SYT16: variants seen among roughly 807,000 people sequenced by gnomAD.
SYT16 encodes synaptotagmin 16.
In SYT16, 42 loss-of-function variants were observed where a neutral mutation model predicts 61.4. The ratio of observed to expected loss-of-function variants is 0.68; its 90% CI spans 0.53 to 0.89. The LOEUF is 0.89. Ranked by LOEUF, SYT16 falls within the 40% of genes least tolerant of loss-of-function variation. SYT16 has a pLI of 0.00. For missense variants in SYT16, 804 were observed against 807.3 expected (o/e 1.00, Z 0.05); for synonymous variants, 314 against 302.3 (o/e 1.04, Z -0.40).
chr14:61,961,709 G>A (rs2140502697), intron 1 of SYT16, among the ~76,000 whole-genome samples: 1 of 152,274 alleles, frequency 6.6e-6, no homozygotes, highest in South Asian at 2.1e-4. Flanking sequence ...GCAGGTTAGT[G>A]ATTTCTGAAA....
chr14:61,826,205 TCA>T (rs911869522), intron 1 of SYT16, among the ~76,000 whole-genome samples: 10 of 151,962 alleles, frequency 6.6e-5, no homozygotes, highest in African/African-American at 2.4e-4. Context: ...CTCAGGGCAC[TCA>T]CACACAGCCA....
intron 5 of SYT16, among the ~76,000 whole-genome samples, chr14:62,078,292 G>T (rs2056585813): frequency 6.6e-6 from 1 of 151,950 alleles, no homozygotes; most frequent in African/African-American, 2.4e-5. Flanking sequence ...TTGAGTATTG[G>T]ATACGAGTTA....
chr14:61,990,498 A>G (rs1704341106), intron 2 of SYT16, among the ~76,000 whole-genome samples: 1 of 152,168 alleles, frequency 6.6e-6, no homozygotes. Flanking sequence ...ATGAACTTGT[A>G]TACAATTTTG....
chr14:61,906,787 G>GTCCA (rs60022651), intron 1 of SYT16, among the ~76,000 whole-genome samples: 9,918 of 142,300 alleles, frequency 0.07, 425 homozygotes, highest in African/African-American at 0.11. Flanking sequence ...CCGTCCGTCC[G>GTCCA]TCCATCCATC....
chr14:62,008,195 CT>C (rs998402932), intron 3 of SYT16, among the ~76,000 whole-genome samples: 7 of 151,962 alleles, frequency 4.6e-5, no homozygotes, highest in African/African-American at 1.7e-4. Flanking sequence ...TCTTTCTTCG[CT>C]GGTACCCTCT....
intron 7 of SYT16, among the ~76,000 whole-genome samples, chr14:62,097,421 A>G (rs113793454): frequency 0.018 from 2,802 of 152,256 alleles, 91 homozygotes; most frequent in African/African-American, 0.062. Context: ...TAAATGGCAT[A>G]TTTACTTAGC....
intron 4 of SYT16, among the ~76,000 whole-genome samples, chr14:62,074,131 C>T (rs79138410): frequency 6.6e-6 from 1 of 152,108 alleles, no homozygotes; most frequent in Admixed American, 6.5e-5. Flanking sequence ...GTGTGGGAGG[C>T]AAATAGTGGG....
intron 3 of SYT16, among the ~76,000 whole-genome samples, chr14:62,059,817 A>G (rs2055747871): frequency 6.7e-6 from 1 of 148,810 alleles, no homozygotes; most frequent in Admixed American, 6.7e-5. Context: ...GTGAGATAGA[A>G]GGGTTGATGT....
intron 7 of SYT16, among the ~76,000 whole-genome samples, chr14:62,087,495 T>C (rs1214803943): frequency 2.0e-5 from 3 of 152,186 alleles, no homozygotes; most frequent in East Asian, 3.9e-4. Context: ...GCGGTCATGA[T>C]CACATAAAGA....
intron 1 of SYT16, among the ~76,000 whole-genome samples, chr14:61,822,147 A>G (rs1043820857): frequency 8.5e-5 from 13 of 152,228 alleles, no homozygotes; most frequent in Non-Finnish European, 1.3e-4. Flanking sequence ...AGCCAACAGT[A>G]CAGCTCCCAG....
intron 3 of SYT16, among the ~76,000 whole-genome samples, chr14:62,046,886 A>G (rs190205869): frequency 3.3e-5 from 5 of 152,298 alleles, no homozygotes; most frequent in Admixed American, 2.6e-4. Flanking sequence ...GTCAGGTAGC[A>G]TGATGCCTTC....
Position 61,820,544 on chromosome 14 carries a change from C to T in SYT16, c.-325+7734C>T, listed in dbSNP as rs548751762. 4.6e-5 allele frequency among the ~76,000 whole-genome samples: 6 copies of T among 130,156 alleles called. 1 individual carries two copies. In the South Asian group the frequency reaches 7.7e-4, roughly 17 times the overall value. 85.4% of individuals were successfully genotyped at this position (130,156 alleles called of 152,430 possible). ...TCGCCCAGGTTGGAGTGCAGTGGCACGATCTCGGCTCACTGCAACCTCCGC... is the reference window on the plus strand; with the variant it reads ...TCGCCCAGGTTGGAGTGCAGTGGCATGATCTCGGCTCACTGCAACCTCCGC... On this transcript the variant is annotated intron_variant, in intron 1 of 7. Transcript: ENST00000683842.
At chr14:61,940,562 T>A (rs566174042) in intron 1 of SYT16, among the ~76,000 whole-genome samples, 1 of 152,346 alleles carries the variant, frequency 6.6e-6, no homozygotes, top group East Asian at 1.9e-4. Flanking sequence ...AGTATATTTC[T>A]CATCTGTTAA....
At chr14:61,901,991 A>C (rs1044897228) in intron 1 of SYT16, among the ~76,000 whole-genome samples, 21 of 151,990 alleles carry the variant, frequency 1.4e-4, no homozygotes, top group African/African-American at 4.6e-4. Flanking sequence ...CTTAACTCCT[A>C]ACCTCAGGTG....
chr14:61,981,011 C>T (rs958253495), intron 2 of SYT16, among the ~76,000 whole-genome samples: 1 of 151,908 alleles, frequency 6.6e-6, no homozygotes, highest in Non-Finnish European at 1.5e-5. Context: ...AATTAGCTTA[C>T]ATGATCATGG....
At chr14:62,004,936 G>C (rs1264039969) in intron 3 of SYT16, among the ~76,000 whole-genome samples, 1 of 152,190 alleles carries the variant, frequency 6.6e-6, no homozygotes, top group Non-Finnish European at 1.5e-5. Context: ...CACCTAAATG[G>C]GGAGGGGGAG....
intron 4 of SYT16, among the ~76,000 whole-genome samples, chr14:62,072,015 A>G (rs375603750): frequency 3.3e-5 from 5 of 152,178 alleles, no homozygotes; most frequent in Admixed American, 2.0e-4. Context: ...CTAATTGTCA[A>G]TGCATTCCTG....
chr14:62,067,299 G>A (rs1360987024), intron 3 of SYT16, among the ~76,000 whole-genome samples: 1 of 152,148 alleles, frequency 6.6e-6, no homozygotes, highest in African/African-American at 2.4e-5. Flanking sequence ...AGTTATAGGG[G>A]AGAACAGAGA....
intron 2 of SYT16, among the ~76,000 whole-genome samples, chr14:61,991,368 T>C (rs2052545819): frequency 9.6e-6 from 1 of 104,240 alleles, no homozygotes; most frequent in African/African-American, 3.7e-5. Context: ...GTGTGTTTTC[T>C]AAAACACCAG....
Sources: gnomAD v4.1 joint callset for allele counts (sites outside exome capture counted in the v4.1 genomes callset) on GRCh38, gnomAD v4.1.1 for gene constraint, MANE v1.5 for transcripts, NCBI Gene and HGNC (gene_info 2026-07-23, HGNC 2026-07-21) for gene names.